The following KIT variants were observed in gnomAD, a reference collection of about 807,000 sequenced individuals.
The protein encoded by KIT is mast/stem cell growth factor receptor Kit.
A neutral mutation model predicts 105.7 loss-of-function variants in KIT; 16 were observed. The observed-to-expected ratio is 0.15, with a 90% CI of 0.10 to 0.23. The LOEUF (loss-of-function observed/expected upper bound fraction) is 0.23. Among genes scored for constraint, KIT ranks in the 10% least tolerant of loss-of-function variants. The pLI is 1.00. For missense variants in KIT, 858 were observed against 1,213.8 expected (o/e 0.71, Z 4.36); for synonymous variants, 438 against 441.1 (o/e 0.99, Z 0.09).
At position 54,740,456 on chromosome 4, in the gene KIT, G is replaced by A. The variant is rs926514549; in HGVS notation, c.*1899G>A. On this transcript the variant is annotated 3_prime_UTR_variant, in exon 21 of 21. Transcript: ENST00000288135. ...TTTATAATTTTTTCTTACATCAGAT[G>A]TTTCTTTGCAGTGGCTTAATGTTTG... 1 of 233,292 alleles carries A rather than the reference G, an allele frequency of 4.3e-6. No homozygotes were observed. The allele number at this position is 233,292 out of a possible 1,614,324, so 14.5% of individuals were successfully genotyped here. A position where few individuals can be genotyped will look rare whatever the true frequency, so the allele number is the denominator to read the frequency against.
chr4:54,661,437 C>T (rs566071473), intron 1 of KIT, among the ~76,000 whole-genome samples: 1 of 152,160 alleles, frequency 6.6e-6, no homozygotes, highest in Non-Finnish European at 1.5e-5. Context: ...CAAGTCTCTT[C>T]CAGCTGATTA....
chr4:54,662,421 C>T (rs148727296), intron 1 of KIT, among the ~76,000 whole-genome samples: 9 of 152,280 alleles, frequency 5.9e-5, no homozygotes, highest in African/African-American at 1.7e-4. Flanking sequence ...AAATGTGTTG[C>T]TACATGTAAA....
chr4:54,677,035 T>C (rs112147886), intron 1 of KIT, among the ~76,000 whole-genome samples: 1,992 of 152,314 alleles, frequency 0.013, 24 homozygotes, highest in Middle Eastern at 0.034. Context: ...TATTGGTTTA[T>C]TGCTGATGTG....
intron 13 of KIT, 167 bp from the exon 14 acceptor site, chr4:54,729,168 G>A (rs995394058): frequency 4.4e-6 from 3 of 679,304 alleles, no homozygotes; most frequent in African/African-American, 1.8e-5. Flanking sequence ...ACATAAGGCT[G>A]CTTTTTTGAT....
At chr4:54,698,018 A>C (rs3111792) in intron 2 of KIT, among the ~76,000 whole-genome samples, 2 of 152,148 alleles carry the variant, frequency 1.3e-5, no homozygotes, top group East Asian at 3.9e-4. Flanking sequence ...TGGCAATAAT[A>C]ATAGTACTGA....
At chr4:54,725,753 T>C (rs1030138853) in intron 8 of KIT, 104 bp from the exon 9 acceptor site, 1 of 1,074,466 alleles carries the variant, frequency 9.3e-7, no homozygotes, top group Non-Finnish European at 1.4e-6. Flanking sequence ...TTCTGTTGAT[T>C]ATGAACCTCT....
chr4:54,658,931 G>T (rs1371348882), intron 1 of KIT, among the ~76,000 whole-genome samples: 1 of 152,164 alleles, frequency 6.6e-6, no homozygotes, highest in Non-Finnish European at 1.5e-5. Flanking sequence ...TGTGTTTGCC[G>T]CCTGCTCCGG....
chr4:54,663,965 G>A (rs1445734331), intron 1 of KIT, among the ~76,000 whole-genome samples: 3 of 152,204 alleles, frequency 2.0e-5, no homozygotes, highest in African/African-American at 7.2e-5. Flanking sequence ...CAGGCTGGGG[G>A]TGGAGGAGGG....
intron 8 of KIT, among the ~76,000 whole-genome samples, chr4:54,724,305 A>G (rs1004884818): frequency 6.6e-6 from 1 of 152,176 alleles, no homozygotes; most frequent in African/African-American, 2.4e-5. Context: ...TTATCCATCA[A>G]TTGCTATTTT....
Position 54,723,656 on chromosome 4 carries a change from A to G in KIT, c.1304A>G (p.Glu435Gly), listed in dbSNP as rs2109761128. The G allele has an allele frequency of 6.2e-7, 1 of 1,614,040 alleles. No homozygotes were observed. Among genetic ancestry groups the G allele is most frequent in the Non-Finnish European group, 8.5e-7 (1 of 1,179,894 alleles). The change falls in exon 8 of 21, where the codon GAG (glutamate) becomes GGG (glycine). Residue 435 changes from glutamate (E) to glycine (G), a missense_variant. Physicochemically the swap from Glu to Gly is moderately conservative, Grantham distance 98 (BLOSUM62 -2). Around this residue, in one of 7 missense-constraint regions of KIT, gnomAD observed 401 missense variants for 601.0 expected, o/e 0.67. Transcript: ENST00000288135. ...CAATGTGTGGCAGCAGGATTCCCAG[A>G]GCCCACAATAGATTGGTATTTTTGT... ...MLQCVAAGFP[E>G]PTIDWYFCPG...
chr4:54,717,117 ACT>A (rs1296936543), intron 7 of KIT, among the ~76,000 whole-genome samples: 1 of 152,010 alleles, frequency 6.6e-6, no homozygotes, highest in Non-Finnish European at 1.5e-5. Flanking sequence ...TTGATGTGAC[ACT>A]CTAATATCTC....
chr4:54,665,020 CTA>C (rs1228685904), intron 1 of KIT, among the ~76,000 whole-genome samples: 1 of 152,010 alleles, frequency 6.6e-6, no homozygotes, highest in Non-Finnish European at 1.5e-5. Context: ...AACTGAAATT[CTA>C]TACCCATTGA....
chr4:54,715,446 C>A (rs1400180027), intron 7 of KIT, among the ~76,000 whole-genome samples: 1 of 151,550 alleles, frequency 6.6e-6, no homozygotes, highest in Non-Finnish European at 1.5e-5. Flanking sequence ...TTTCTGCAGG[C>A]TGTAAGAAAC....
At chr4:54,690,337 A>G (rs760267220) in intron 1 of KIT, among the ~76,000 whole-genome samples, 28 of 152,194 alleles carry the variant, frequency 1.8e-4, no homozygotes, top group Non-Finnish European at 3.8e-4. Flanking sequence ...ATTTTGAGCT[A>G]TCACTGAAAT....
At position 54,739,219 on chromosome 4, in the gene KIT, G is replaced by C. The variant is rs1209976530; in HGVS notation, c.*662G>C. 1.1e-5 allele frequency: 3 copies of C among 272,186 alleles called. No individual in the cohort carries two copies. The highest frequency in any genetic ancestry group is 2.1e-5 in the Non-Finnish European group (3 of 144,414). The allele number at this position is 272,186 out of a possible 1,614,324, so 16.9% of individuals were successfully genotyped here. A position where few individuals can be genotyped will look rare whatever the true frequency, so the allele number is the denominator to read the frequency against. ...ATTGGAGAGAAGGCCTCCCTAGCCAGCACTTGTATATACGCATCTATAAAT... is the reference window on the plus strand; with the variant it reads ...ATTGGAGAGAAGGCCTCCCTAGCCACCACTTGTATATACGCATCTATAAAT... On this transcript the variant is annotated 3_prime_UTR_variant, in exon 21 of 21. Transcript: ENST00000288135.
chr4:54,723,287 G>T (rs556025285), intron 7 of KIT, among the ~76,000 whole-genome samples: 13 of 152,266 alleles, frequency 8.5e-5, no homozygotes, highest in Admixed American at 6.5e-4. Context: ...TTGATTAGAA[G>T]CAGTCTTCAG....
chr4:54,688,290 A>G (rs1436631993), intron 1 of KIT, among the ~76,000 whole-genome samples: 1 of 152,246 alleles, frequency 6.6e-6, no homozygotes, highest in Non-Finnish European at 1.5e-5. Flanking sequence ...TGTCAGAAAC[A>G]GTATAATATA....
intron 16 of KIT, among the ~76,000 whole-genome samples, chr4:54,732,265 A>C (rs1722658862): frequency 6.6e-6 from 1 of 152,000 alleles, no homozygotes; most frequent in African/African-American, 2.4e-5. Flanking sequence ...TATGCAGTGA[A>C]ATTCTTTTAA....
At chr4:54,730,826 A>G (rs535433933) in intron 14 of KIT, among the ~76,000 whole-genome samples, 20 of 152,258 alleles carry the variant, frequency 1.3e-4, no homozygotes, top group Non-Finnish European at 2.6e-4. Flanking sequence ...AGAGGTCCAG[A>G]TGGTTCAGAA....
Sources: allele counts gnomAD v4.1 joint callset (sites outside exome capture counted in the v4.1 genomes callset), GRCh38; gene constraint gnomAD v4.1.1; regional missense constraint gnomAD v4.1.1; transcripts MANE v1.5; gene names NCBI Gene and HGNC (gene_info 2026-07-23, HGNC 2026-07-21).